The following PHLDB2 variants were observed in gnomAD, a reference collection of about 807,000 sequenced individuals.
PHLDB2 encodes pleckstrin homology-like domain family B member 2.
PHLDB2 carries 71 observed loss-of-function variants against 123.6 expected under a neutral mutation model. The observed-to-expected ratio is 0.57, with a 90% confidence interval of 0.47 to 0.70. The LOEUF is 0.70. Ranked by LOEUF, PHLDB2 falls within the 30% of genes least tolerant of loss-of-function variation. PHLDB2 has a pLI of 0.00. For missense variants in PHLDB2, 1,446 were observed against 1,519.5 expected, an observed-to-expected ratio of 0.95 and a Z score of 0.80; for synonymous variants, 547 against 541.6, an observed-to-expected ratio of 1.01 and a Z score of -0.14.
chr3:111,782,388 A>C lies in PHLDB2; in HGVS notation c.-49+49685A>C, dbSNP rs140463686. On this transcript the variant is annotated intron_variant, in intron 1 of 17. Transcript: ENST00000393923. Reference sequence around the variant, plus strand: ...CCAAAATATAAAGCGAGGATAGTAAAAAAGGAGAGATGCTCTGGCCTACCA... The same window carrying C: ...CCAAAATATAAAGCGAGGATAGTAACAAAGGAGAGATGCTCTGGCCTACCA... Among the ~76,000 whole-genome samples, 783 of 152,234 alleles carry C rather than the reference A, an allele frequency of 5.1e-3. 6 individuals carry two copies. The highest frequency in any genetic ancestry group is 0.018 in the African/African-American group (732 of 41,556).
intron 1 of PHLDB2, among the ~76,000 whole-genome samples, chr3:111,881,339 C>T (rs1236529165): frequency 1.3e-5 from 2 of 152,162 alleles, no homozygotes; most frequent in African/African-American, 4.8e-5. Flanking sequence ...TCACTAGTCG[C>T]ACTTCGTATG....
chr3:111,862,387 G>A (rs2064875878), intron 1 of PHLDB2, among the ~76,000 whole-genome samples: 2 of 152,184 alleles, frequency 1.3e-5, no homozygotes, highest in South Asian at 4.1e-4. Flanking sequence ...TTATCTTAAA[G>A]TCCTGACATA....
chr3:111,949,911 A>G, intron 10 of PHLDB2: 1 of 980,392 alleles, frequency 1.0e-6, no homozygotes. Flanking sequence ...ACTGGAATTT[A>G]GAGTTTGGGA....
At chr3:111,887,084 C>T (rs2066212720) in intron 2 of PHLDB2, among the ~76,000 whole-genome samples, 1 of 152,094 alleles carries the variant, frequency 6.6e-6, no homozygotes, top group African/African-American at 2.4e-5. Context: ...GATAGGGAAC[C>T]AAATTCAAGA....
intron 1 of PHLDB2, among the ~76,000 whole-genome samples, chr3:111,737,602 C>T (rs1377836354): frequency 6.6e-6 from 1 of 152,058 alleles, no homozygotes; most frequent in African/African-American, 2.4e-5. Flanking sequence ...AGATTGTTTT[C>T]ACATAAGACC....
chr3:111,902,780 A>G (rs2067270876), intron 2 of PHLDB2, among the ~76,000 whole-genome samples: 1 of 152,154 alleles, frequency 6.6e-6, no homozygotes, highest in African/African-American at 2.4e-5. Context: ...CTGGGACTAC[A>G]GGCGTGAGCC....
At chr3:111,806,784 C>T (rs758572078) in intron 1 of PHLDB2, among the ~76,000 whole-genome samples, 1 of 151,882 alleles carries the variant, frequency 6.6e-6, no homozygotes, top group Non-Finnish European at 1.5e-5. Context: ...CTGCACCTAG[C>T]CCTTCTTTTT....
intron 6 of PHLDB2, among the ~76,000 whole-genome samples, chr3:111,938,633 C>A (rs997946533): frequency 6.6e-6 from 1 of 151,948 alleles, no homozygotes; most frequent in Non-Finnish European, 1.5e-5. Flanking sequence ...TTTTTTTCTG[C>A]ACAGTCCAGC....
At chr3:111,902,450 G>A (rs1046158443) in intron 2 of PHLDB2, among the ~76,000 whole-genome samples, 1 of 151,994 alleles carries the variant, frequency 6.6e-6, no homozygotes, top group Non-Finnish European at 1.5e-5. Flanking sequence ...AGTGCAAGAC[G>A]CTGTCTCAAA....
intron 2 of PHLDB2, chr3:111,911,750 T>C: frequency 6.6e-7 from 1 of 1,520,820 alleles, no homozygotes; most frequent in Non-Finnish European, 8.8e-7. Flanking sequence ...AACTAGTTTA[T>C]TAGTCCTTTT....
chr3:111,753,603 T>A (rs1286005852), intron 1 of PHLDB2, among the ~76,000 whole-genome samples: 1 of 152,232 alleles, frequency 6.6e-6, no homozygotes, highest in Non-Finnish European at 1.5e-5. Context: ...GTAGGTTGCC[T>A]GTTCACTCTG....
intron 1 of PHLDB2, among the ~76,000 whole-genome samples, chr3:111,814,887 C>T (rs1445442767): frequency 6.6e-6 from 1 of 152,104 alleles, no homozygotes; most frequent in African/African-American, 2.4e-5. Context: ...TGGCTGTGTC[C>T]CCACCCAAAT....
At chr3:111,788,711 A>G (rs920988361) in intron 1 of PHLDB2, among the ~76,000 whole-genome samples, 1 of 152,152 alleles carries the variant, frequency 6.6e-6, no homozygotes, top group Non-Finnish European at 1.5e-5. Flanking sequence ...GCCCAACACA[A>G]TTCATAAACT....
intron 2 of PHLDB2, among the ~76,000 whole-genome samples, chr3:111,891,401 G>A (rs2066486877): frequency 6.6e-6 from 1 of 151,984 alleles, no homozygotes; most frequent in Non-Finnish European, 1.5e-5. Context: ...ACACTATTGT[G>A]AACTGCTCAT....
intron 1 of PHLDB2, among the ~76,000 whole-genome samples, chr3:111,866,530 T>C (rs1461870337): frequency 1.3e-5 from 2 of 152,086 alleles, no homozygotes; most frequent in African/African-American, 4.8e-5. Context: ...GGAGTGTCTT[T>C]TGATCAGTAG....
intron 12 of PHLDB2, chr3:111,957,351 G>T (rs1240887685): frequency 2.6e-5 from 4 of 152,620 alleles, no homozygotes; most frequent in African/African-American, 9.6e-5. Flanking sequence ...ACTGTGCAGT[G>T]GTGGATTTTT....
intron 5 of PHLDB2, among the ~76,000 whole-genome samples, chr3:111,927,024 A>G (rs2068853873): frequency 1.3e-5 from 2 of 152,306 alleles, no homozygotes; most frequent in African/African-American, 2.4e-5. Context: ...GGAATGCTTA[A>G]ACATGGGCCA....
At chr3:111,827,937 G>A (rs2062747906) in intron 1 of PHLDB2, among the ~76,000 whole-genome samples, 1 of 152,138 alleles carries the variant, frequency 6.6e-6, no homozygotes, top group Non-Finnish European at 1.5e-5. Flanking sequence ...AGATAAAAAT[G>A]TCACCTTCAT....
chr3:111,864,704 A>G (rs2064985099), intron 1 of PHLDB2, among the ~76,000 whole-genome samples: 1 of 152,270 alleles, frequency 6.6e-6, no homozygotes, highest in Non-Finnish European at 1.5e-5. Flanking sequence ...GGTTAGTCAA[A>G]AAGTTTTTGA....
Sources: allele counts gnomAD v4.1 joint callset (sites outside exome capture counted in the v4.1 genomes callset), GRCh38; gene constraint gnomAD v4.1.1; transcripts MANE v1.5; gene names NCBI Gene and HGNC (gene_info 2026-07-23, HGNC 2026-07-21).